AAK1: variants seen among roughly 807,000 people sequenced by gnomAD.
The protein encoded by AAK1 is AP2-associated protein kinase 1.
A neutral mutation model predicts 116.0 loss-of-function variants in AAK1; 37 were observed. That is an observed-to-expected ratio of 0.32 (90% confidence interval 0.25 to 0.42). AAK1 has a LOEUF of 0.42. AAK1 is among the 10% of genes least tolerant of loss of function. The pLI, the probability that AAK1 is intolerant of heterozygous loss-of-function variation, is 1.00. For synonymous variants in AAK1, 458 were observed against 439.9 expected, an observed-to-expected ratio of 1.04 and a Z score of -0.51; for missense variants, 919 against 1,170.6, an observed-to-expected ratio of 0.79 and a Z score of 3.14.
chr2:69,497,394 C>T (rs1345020455), intron 16 of AAK1, among the ~76,000 whole-genome samples: 1 of 148,096 alleles, frequency 6.8e-6, no homozygotes, highest in Non-Finnish European at 1.5e-5. Flanking sequence ...GCTCTGCCTC[C>T]CAGGTTCAAG....
chr2:69,544,562 G>A lies in AAK1; in HGVS notation c.283-18C>T, dbSNP rs1320917791. The A allele has an allele frequency of 6.4e-7, 1 of 1,560,692 alleles. No individual in the cohort carries two copies. The highest frequency in any genetic ancestry group is 8.8e-7 in the Non-Finnish European group (1 of 1,131,764). On this transcript the variant is annotated intron_variant, in intron 3 of 21. Transcript: ENST00000409085. ...AGATCCCTCTGTGAACAAGAGAGGA[G>A]AAATATATTGTTAGTTTCAGATGCC...
At chr2:69,524,388 T>A in intron 10 of AAK1, among the ~76,000 whole-genome samples, 1 of 151,826 alleles carries the variant, frequency 6.6e-6, no homozygotes, top group East Asian at 1.9e-4. Flanking sequence ...ATGTTTAGGA[T>A]ACTCTTGTAC....
chr2:69,522,254 C>T (rs1669820845), intron 10 of AAK1, among the ~76,000 whole-genome samples: 1 of 152,100 alleles, frequency 6.6e-6, no homozygotes, highest in Non-Finnish European at 1.5e-5. Context: ...CATGTTTTGT[C>T]AAAATATTTC....
chr2:69,475,777 T>A lies in AAK1; in HGVS notation c.*92A>T. The A allele has an allele frequency of 6.7e-7, 1 of 1,500,498 alleles. No individual in the cohort carries two copies. 92.9% of individuals were successfully genotyped at this position (1,500,498 alleles called of 1,614,324 possible). A position where few individuals can be genotyped will look rare whatever the true frequency, so the allele number is the denominator to read the frequency against. ...CTGGAGGGCCCCTTATTTGCAGATT[T>A]TTTTAAAAAAATCATTTTTTTCATA... is the stretch of plus-strand genomic sequence containing the variant. On this transcript the variant is annotated 3_prime_UTR_variant, in exon 22 of 22. Coordinates refer to ENST00000409085, the MANE Select transcript of AAK1 (RefSeq NM_014911.5).
At chr2:69,532,018 C>G (rs924107219) in intron 6 of AAK1, 23 bp downstream of exon 6, 1 of 1,611,544 alleles carries the variant, frequency 6.2e-7, no homozygotes, top group Non-Finnish European at 8.5e-7. Context: ...GGACAAAACT[C>G]CATGAAAGGA....
At chr2:69,577,793 G>A (rs1672373831) in intron 2 of AAK1, among the ~76,000 whole-genome samples, 1 of 152,240 alleles carries the variant, frequency 6.6e-6, no homozygotes, top group African/African-American at 2.4e-5. Flanking sequence ...CAGGAGGCAG[G>A]AGGGACTCAG....
chr2:69,580,856 T>C (rs1344496599), intron 2 of AAK1, among the ~76,000 whole-genome samples: 2 of 152,208 alleles, frequency 1.3e-5, no homozygotes, highest in African/African-American at 4.8e-5. Flanking sequence ...GCAGAGTATG[T>C]GTGCTTTTTC....
intron 17 of AAK1, among the ~76,000 whole-genome samples, chr2:69,486,766 A>G (rs747524673): frequency 6.6e-6 from 1 of 152,196 alleles, no homozygotes. Flanking sequence ...GACTATGAGA[A>G]TGTGCAACTT....
At chr2:69,614,858 G>A (rs900159734) in intron 2 of AAK1, among the ~76,000 whole-genome samples, 3 of 152,140 alleles carry the variant, frequency 2.0e-5, no homozygotes, top group Admixed American at 1.3e-4. Context: ...CTGGAGTGAT[G>A]GAGCCACAAA....
At chr2:69,615,895 A>G (rs1307600639) in intron 2 of AAK1, among the ~76,000 whole-genome samples, 1 of 152,230 alleles carries the variant, frequency 6.6e-6, no homozygotes, top group Non-Finnish European at 1.5e-5. Context: ...TGGAATGACA[A>G]GTCTATATCA....
chr2:69,622,663 T>C (rs1274260682), intron 2 of AAK1, among the ~76,000 whole-genome samples: 1 of 151,836 alleles, frequency 6.6e-6, no homozygotes, highest in African/African-American at 2.4e-5. Context: ...CTGTATCTAG[T>C]TAATCTGGTG....
chr2:69,499,324 C>A (rs994911934), intron 16 of AAK1, among the ~76,000 whole-genome samples: 1 of 152,194 alleles, frequency 6.6e-6, no homozygotes. Flanking sequence ...ACTTCTTGGA[C>A]CTTCAACCTT....
intron 2 of AAK1, among the ~76,000 whole-genome samples, chr2:69,621,689 G>A (rs1445937273): frequency 6.6e-6 from 1 of 152,196 alleles, no homozygotes; most frequent in Non-Finnish European, 1.5e-5. Context: ...ACTGCAAACT[G>A]ATCATGGCCA....
chr2:69,537,824 G>A (rs1157054396), intron 5 of AAK1, among the ~76,000 whole-genome samples: 7 of 152,198 alleles, frequency 4.6e-5, no homozygotes, highest in Admixed American at 6.5e-5. Context: ...AGATGGCATC[G>A]AGTGTAAGAT....
intron 5 of AAK1, among the ~76,000 whole-genome samples, chr2:69,540,567 T>C (rs1205239680): frequency 6.6e-6 from 1 of 152,246 alleles, no homozygotes; most frequent in Non-Finnish European, 1.5e-5. Flanking sequence ...TACCACTTCA[T>C]ACCCACTAGG....
chr2:69,526,499 G>C (rs532902459), intron 9 of AAK1, among the ~76,000 whole-genome samples: 1 of 152,244 alleles, frequency 6.6e-6, no homozygotes, highest in East Asian at 1.9e-4. Flanking sequence ...GTAGAGATGG[G>C]GTTTTGCCAT....
At chr2:69,613,688 G>C (rs1212890518) in intron 2 of AAK1, among the ~76,000 whole-genome samples, 2 of 152,194 alleles carry the variant, frequency 1.3e-5, no homozygotes, top group African/African-American at 2.4e-5. Context: ...CGTATGTGGA[G>C]GTACCTGGAG....
chr2:69,539,081 G>A (rs1336311364), intron 5 of AAK1, among the ~76,000 whole-genome samples: 1 of 152,114 alleles, frequency 6.6e-6, no homozygotes, highest in Admixed American at 6.6e-5. Flanking sequence ...CACCCTAACA[G>A]AGCAGGCACT....
intron 3 of AAK1, among the ~76,000 whole-genome samples, chr2:69,550,903 AC>A (rs1671153514): frequency 6.6e-6 from 1 of 152,200 alleles, no homozygotes; most frequent in African/African-American, 2.4e-5. Flanking sequence ...GGCGTGAGCC[AC>A]AGTGCCCAGC....
Sources: allele counts gnomAD v4.1 joint callset (sites outside exome capture counted in the v4.1 genomes callset), GRCh38; gene constraint gnomAD v4.1.1; transcripts MANE v1.5; gene names NCBI Gene and HGNC (gene_info 2026-07-23, HGNC 2026-07-21).